The following VWC2L variants were observed in gnomAD, a reference collection of about 807,000 sequenced individuals.
VWC2L encodes the protein von Willebrand factor C domain containing 2 like, also known as von Willebrand factor C domain-containing protein 2-like.
A neutral mutation model predicts 21.6 loss-of-function variants in VWC2L; 10 were observed. The observed-to-expected ratio is 0.46, with a 90% CI of 0.29 to 0.78. The LOEUF (loss-of-function observed/expected upper bound fraction) is 0.78. VWC2L is among the 30% of genes least tolerant of loss of function. VWC2L has a pLI of 0.10. For missense variants in VWC2L, 209 were observed against 277.1 expected (o/e 0.75, Z 1.74); for synonymous variants, 96 against 94.3 (o/e 1.02, Z -0.10).
chr2:214,427,968 G>C (rs561313134), intron 2 of VWC2L, among the ~76,000 whole-genome samples: 5 of 152,072 alleles, frequency 3.3e-5, no homozygotes, highest in African/African-American at 1.2e-4. Flanking sequence ...TGAAACCCAC[G>C]GATATGAAGG....
intron 3 of VWC2L, among the ~76,000 whole-genome samples, chr2:214,497,607 G>A (rs942677262): frequency 6.6e-6 from 1 of 152,120 alleles, no homozygotes; most frequent in African/African-American, 2.4e-5. Flanking sequence ...ATAATCTGCT[G>A]TCCATTTCTA....
At chr2:214,508,750 T>C (rs1347185352) in intron 3 of VWC2L, among the ~76,000 whole-genome samples, 1 of 152,204 alleles carries the variant, frequency 6.6e-6, no homozygotes, top group Non-Finnish European at 1.5e-5. Flanking sequence ...TTGTATGTAA[T>C]AGCCTATTCT....
intron 3 of VWC2L, among the ~76,000 whole-genome samples, chr2:214,471,015 G>A (rs1479778703): frequency 6.7e-6 from 1 of 148,508 alleles, no homozygotes; most frequent in Non-Finnish European, 1.5e-5. Flanking sequence ...TTGATCAAAT[G>A]TATATCCTGA....
chr2:214,477,890 C>T (rs768711252), intron 3 of VWC2L, among the ~76,000 whole-genome samples: 2 of 152,150 alleles, frequency 1.3e-5, no homozygotes, highest in Non-Finnish European at 2.9e-5. Context: ...TTCTGTATGT[C>T]GTAAGTTGTT....
intron 3 of VWC2L, among the ~76,000 whole-genome samples, chr2:214,476,212 G>A (rs1435948313): frequency 6.6e-6 from 1 of 152,076 alleles, no homozygotes; most frequent in Non-Finnish European, 1.5e-5. Context: ...ATATACCACA[G>A]CCAATATGCA....
At chr2:214,445,922 T>C (rs1307107265) in intron 3 of VWC2L, among the ~76,000 whole-genome samples, 1 of 152,184 alleles carries the variant, frequency 6.6e-6, no homozygotes, top group Non-Finnish European at 1.5e-5. Context: ...ACTTGACTTT[T>C]CAACACCTTT....
intron 3 of VWC2L, among the ~76,000 whole-genome samples, chr2:214,482,170 G>A (rs1340381515): frequency 6.6e-6 from 1 of 152,092 alleles, no homozygotes; most frequent in African/African-American, 2.4e-5. Flanking sequence ...AAACCAAATA[G>A]GAGTCTATGT....
intron 3 of VWC2L, among the ~76,000 whole-genome samples, chr2:214,542,856 A>T (rs1390583750): frequency 5.3e-5 from 8 of 152,218 alleles, no homozygotes. Context: ...AAACTTGTGC[A>T]CAGTTTAGAA....
intron 3 of VWC2L, among the ~76,000 whole-genome samples, chr2:214,494,149 G>A (rs1688780365): frequency 6.6e-6 from 1 of 152,078 alleles, no homozygotes; most frequent in African/African-American, 2.4e-5. Flanking sequence ...ATCTACTACA[G>A]TAGTCTTATT....
intron 3 of VWC2L, among the ~76,000 whole-genome samples, chr2:214,486,310 T>A (rs1296469799): frequency 1.3e-5 from 2 of 152,228 alleles, no homozygotes; most frequent in African/African-American, 4.8e-5. Context: ...TGGAGTCCCG[T>A]ATTTATTGCT....
intron 3 of VWC2L, among the ~76,000 whole-genome samples, chr2:214,489,120 G>C (rs1166598360): frequency 6.6e-6 from 1 of 152,156 alleles, no homozygotes; most frequent in Non-Finnish European, 1.5e-5. Context: ...CCAGAGGCCT[G>C]TTTTGGGTTT....
rs73987414 is a variant in VWC2L at position 214,571,256 on chromosome 2, T to A, written c.521-4416T>A. Among the ~76,000 whole-genome samples, 1,198 of 152,282 alleles carry A rather than the reference T, an allele frequency of 7.9e-3. 14 individuals carry two copies. The highest frequency in any genetic ancestry group is 0.028 in the African/African-American group (1,157 of 41,558). On this transcript the variant is annotated intron_variant, in intron 3 of 3. Coordinates refer to ENST00000312504, the MANE Select transcript of VWC2L (RefSeq NM_001080500.4). Reference sequence around the variant, plus strand: ...CTCTTTTCCTGGGCTATTAGAAGCATCCTCTATTTCAGAGAGATATGAATT... The same window carrying A: ...CTCTTTTCCTGGGCTATTAGAAGCAACCTCTATTTCAGAGAGATATGAATT...
chr2:214,463,778 C>A (rs78885503), intron 3 of VWC2L, among the ~76,000 whole-genome samples: 5,871 of 152,208 alleles, frequency 0.039, 146 homozygotes, highest in Non-Finnish European at 0.051. Context: ...CTTGTAAAGG[C>A]CTATAATGCT....
chr2:214,482,130 A>C (rs1415313540), intron 3 of VWC2L, among the ~76,000 whole-genome samples: 4 of 152,216 alleles, frequency 2.6e-5, no homozygotes, highest in African/African-American at 7.2e-5. Context: ...ATGGCAGAAT[A>C]ACTAAAATGA....
intron 3 of VWC2L, among the ~76,000 whole-genome samples, chr2:214,489,088 T>C (rs1236951098): frequency 6.6e-6 from 1 of 152,188 alleles, no homozygotes; most frequent in Non-Finnish European, 1.5e-5. Context: ...TCTTGGCTAC[T>C]TCATCACCTG....
At chr2:214,513,765 C>T (rs922493884) in intron 3 of VWC2L, among the ~76,000 whole-genome samples, 14 of 152,062 alleles carry the variant, frequency 9.2e-5, no homozygotes, top group Non-Finnish European at 1.0e-4. Context: ...AAACAGAACC[C>T]TCTATACAAG....
chr2:214,492,048 C>T (rs1229888037), intron 3 of VWC2L, among the ~76,000 whole-genome samples: 1 of 152,150 alleles, frequency 6.6e-6, no homozygotes, highest in Non-Finnish European at 1.5e-5. Context: ...AGTAGCACAA[C>T]TCAAAATACT....
chr2:214,495,179 C>G (rs1168561858), intron 3 of VWC2L, among the ~76,000 whole-genome samples: 1 of 152,170 alleles, frequency 6.6e-6, no homozygotes, highest in African/African-American at 2.4e-5. Flanking sequence ...TCTCCTCCCA[C>G]TGTAAAGTCA....
At chr2:214,442,131 C>T (rs1014117264) in intron 3 of VWC2L, among the ~76,000 whole-genome samples, 1 of 151,938 alleles carries the variant, frequency 6.6e-6, no homozygotes, top group South Asian at 2.1e-4. Flanking sequence ...AGACTGGTCT[C>T]GAACTCCTGA....
Sources: allele counts gnomAD v4.1 joint callset (sites outside exome capture counted in the v4.1 genomes callset), GRCh38; gene constraint gnomAD v4.1.1; transcripts MANE v1.5; gene names NCBI Gene and HGNC (gene_info 2026-07-23, HGNC 2026-07-21).